Variants in IQCH observed in about 807,000 individuals in gnomAD.
The protein encoded by IQCH is IQ domain-containing protein H.
Under a neutral mutation model 117.0 loss-of-function variants are expected in IQCH, and 98 were observed. The observed-to-expected ratio is 0.84, with a 90% CI of 0.71 to 0.99. The LOEUF (loss-of-function observed/expected upper bound fraction) is 0.99. Among genes scored for constraint, IQCH ranks in the 50% least tolerant of loss-of-function variants. The pLI, the probability that IQCH is intolerant of heterozygous loss-of-function variation, is 0.00. For missense variants in IQCH, 1,102 were observed against 1,243.8 expected, an observed-to-expected ratio of 0.89 and a Z score of 1.72; for synonymous variants, 412 against 448.2, an observed-to-expected ratio of 0.92 and a Z score of 1.02.
intron 3 of IQCH, among the ~76,000 whole-genome samples, chr15:67,270,438 T>C (rs558758018): frequency 1.2e-4 from 19 of 152,350 alleles, no homozygotes; most frequent in African/African-American, 4.1e-4. Context: ...GAAGGGATAC[T>C]GTGGTTTGTA....
Position 67,387,007 on chromosome 15 carries a change from G to T in IQCH, c.1457-1824G>T, listed in dbSNP as rs1464544122. ...ATTTTTCATCTGTTACAGTCTGTAA[G>T]CTATTTTTGTTGTTTTTCTGCCCTA... On this transcript the variant is annotated intron_variant, in intron 11 of 20. Transcript: ENST00000335894. This position sits in a 1 kb window ranked among gnomAD's most constrained non-coding sequence, Gnocchi z 4.8. Among the ~76,000 whole-genome samples, 2 of 151,958 alleles carry T rather than the reference G, an allele frequency of 1.3e-5. No homozygotes were observed. Among genetic ancestry groups the T allele is most frequent in the Non-Finnish European group, 2.9e-5 (2 of 67,986 alleles).
rs1041758024 is a variant in IQCH, at chr15:67,479,066, C to T, written c.2799+3248C>T. ...TGAGATGAGTTTTCATCTTTTCAGA[C>T]CCTGGTGTCCATCCCTGGTCAGGAC... On this transcript the variant is annotated intron_variant, in intron 18 of 20. Coordinates refer to ENST00000335894, the MANE Select transcript of IQCH (RefSeq NM_001031715.3). This position sits in a 1 kb window ranked among gnomAD's most constrained non-coding sequence, Gnocchi z 4.6. 1.3e-5 allele frequency among the ~76,000 whole-genome samples: 2 copies of T among 152,194 alleles called. No individual in the cohort carries two copies. The highest frequency in any genetic ancestry group is 4.8e-5 in the African/African-American group (2 of 41,444).
chr15:67,417,596 A>ATTCTACAATCTACAATTCTACAATCC lies in IQCH; in HGVS notation c.2218+545_2218+546insTTCTACAATCTACAATTCTACAATCC, dbSNP rs2081608117. ...AAGGGTTTTCTACAATCCAGGAACA[A>ATTCTACAATCTACAATTCTACAATCC]AGCGAGCCTCCATTCCTTTCATCCT... On this transcript the variant is annotated intron_variant, in intron 15 of 20. Coordinates refer to ENST00000335894, the MANE Select transcript of IQCH (RefSeq NM_001031715.3). The surrounding 1 kb of genome is among the most constrained non-coding windows in gnomAD (Gnocchi z 4.3). 1.3e-5 allele frequency among the ~76,000 whole-genome samples: 2 copies of ATTCTACAATCTACAATTCTACAATCC among 152,190 alleles called. No homozygotes were observed. Among genetic ancestry groups the ATTCTACAATCTACAATTCTACAATCC allele is most frequent in the South Asian group, 4.1e-4 (2 of 4,826 alleles).
At chr15:67,303,345 T>G (rs921427299) in intron 4 of IQCH, among the ~76,000 whole-genome samples, 3 of 152,142 alleles carry the variant, frequency 2.0e-5, no homozygotes, top group African/African-American at 7.2e-5. Flanking sequence ...GATGCACATG[T>G]TCTGGAATTA....
At chr15:67,421,180 G>T in intron 15 of IQCH, 111 bp from the exon 16 acceptor site, 1 of 819,320 alleles carries the variant, frequency 1.2e-6, no homozygotes, top group Non-Finnish European at 1.9e-6. Flanking sequence ...TAAGTTCAGA[G>T]AATGTAAGCT....
Position 67,421,392 on chromosome 15 carries a change from G to C in IQCH, c.2320G>C (p.Asp774His). ...GAAAATCAGCGTGCTGTCGACAGGG[G>C]ACCAGCTTCATGCTGAAAGCCCCTT... ...NGKISVLSTG[D>H]QLHAESPFIS... Residue 774 changes from aspartate (D) to histidine (H), a missense_variant, in exon 16 of 21, where the codon GAC becomes CAC. Asp to His is a moderately conservative substitution (Grantham distance 81). Transcript: ENST00000335894. The C allele has an allele frequency of 3.7e-6, 6 of 1,614,168 alleles. No homozygotes were observed. Among genetic ancestry groups the C allele is most frequent in the Non-Finnish European group, 5.1e-6 (6 of 1,180,018 alleles).
chr15:67,322,445 C>T (rs1044943975), intron 4 of IQCH, among the ~76,000 whole-genome samples: 26 of 152,184 alleles, frequency 1.7e-4, no homozygotes, highest in East Asian at 1.4e-3. Context: ...TGATAATCTC[C>T]GCTTTTTGAG....
At chr15:67,420,518 CA>C (rs1156703887) in intron 15 of IQCH, among the ~76,000 whole-genome samples, 6 of 152,058 alleles carry the variant, frequency 3.9e-5, no homozygotes, top group Non-Finnish European at 8.8e-5. Context: ...AGGACATATA[CA>C]GTAAGATTTG....
At position 67,357,362 on chromosome 15, in the gene IQCH, C is replaced by A. The variant is rs779906669; in HGVS notation, c.655C>A (p.Arg219=). The A allele has an allele frequency of 6.2e-7, 1 of 1,609,600 alleles. No homozygotes were observed. Among genetic ancestry groups the A allele is most frequent in the Admixed American group, 1.7e-5 (1 of 60,020 alleles). The change falls in exon 7 of 21, where the codon CGG becomes AGG. Residue 219 remains arginine, a synonymous_variant. Transcript: ENST00000335894. ...IPTVATFTIP[R]EPPPSPAEVK... Reference sequence around the variant, plus strand: ...ATCCACAGCCACTTTCACTATACCTCGGGAACCACCTCCATCTCCAGCAGA... The same window carrying A: ...ATCCACAGCCACTTTCACTATACCTAGGGAACCACCTCCATCTCCAGCAGA...
intron 4 of IQCH, among the ~76,000 whole-genome samples, chr15:67,296,305 G>A (rs1966852135): frequency 6.6e-6 from 1 of 152,158 alleles, no homozygotes; most frequent in Admixed American, 6.5e-5. Flanking sequence ...GAGGGAAGAG[G>A]AAGACATTCG....
intron 2 of IQCH, among the ~76,000 whole-genome samples, chr15:67,261,752 C>A (rs75826896): frequency 0.014 from 2,189 of 152,102 alleles, 25 homozygotes; most frequent in Non-Finnish European, 0.021. Flanking sequence ...TATGCCTGAC[C>A]AATATATTGC....
chr15:67,317,825 C>G (rs1381446436), intron 4 of IQCH, among the ~76,000 whole-genome samples: 1 of 151,988 alleles, frequency 6.6e-6, no homozygotes, highest in Non-Finnish European at 1.5e-5. Context: ...GAGGGTCTGT[C>G]TAGTTTCATG....
intron 13 of IQCH, among the ~76,000 whole-genome samples, chr15:67,397,423 A>G (rs969694176): frequency 6.6e-6 from 1 of 152,246 alleles, no homozygotes; most frequent in Non-Finnish European, 1.5e-5. Context: ...TGCAAATTGT[A>G]TAACAATAAA....
intron 8 of IQCH, among the ~76,000 whole-genome samples, chr15:67,361,575 A>G (rs1970134392): frequency 6.6e-6 from 1 of 152,208 alleles, no homozygotes; most frequent in Admixed American, 6.5e-5. Context: ...TCTTTTCTCT[A>G]TTCAATATCA....
In IQCH at chr15:67,491,504, T is replaced by G. The variant is rs760591803; in HGVS notation, c.2861+1440T>G. Among the ~76,000 whole-genome samples the G allele has an allele frequency of 6.6e-6, 1 of 152,202 alleles. No homozygotes were observed. Among genetic ancestry groups the G allele is most frequent in the Admixed American group, 6.5e-5 (1 of 15,276 alleles). On this transcript the variant is annotated intron_variant, in intron 19 of 20. Coordinates refer to ENST00000335894, the MANE Select transcript of IQCH (RefSeq NM_001031715.3). The surrounding 1 kb of genome is among the most constrained non-coding windows in gnomAD (Gnocchi z 4.9). Reference sequence around the variant, plus strand: ...ACCTGGGAAGGGAAGCTGGCTGTTTTGAGTCCTCCCCTCCAGTTTCAGTCT... The same window carrying G: ...ACCTGGGAAGGGAAGCTGGCTGTTTGGAGTCCTCCCCTCCAGTTTCAGTCT...
At chr15:67,358,386 A>G (rs1374638258) in intron 7 of IQCH, among the ~76,000 whole-genome samples, 4 of 136,190 alleles carry the variant, frequency 2.9e-5, no homozygotes, top group East Asian at 2.3e-4. Flanking sequence ...AGTAAAAACA[A>G]GGTTTCGCTA....
At chr15:67,471,179 A>C (rs1304100276) in intron 17 of IQCH, among the ~76,000 whole-genome samples, 1 of 152,118 alleles carries the variant, frequency 6.6e-6, no homozygotes, top group Non-Finnish European at 1.5e-5. Context: ...TTGTGTATAT[A>C]TCATTTGGCA....
chr15:67,432,908 C>T lies in IQCH; in HGVS notation c.2505+11331C>T, dbSNP rs1374946561. ...CCTCTAGTACTCTCATTTGCAAGAT[C>T]TCCCCTATCTCTGTTTTCAAGATAT... On this transcript the variant is annotated intron_variant, in intron 16 of 20. Transcript: ENST00000335894. The surrounding 1 kb of genome is among the most constrained non-coding windows in gnomAD (Gnocchi z 5.0). Among the ~76,000 whole-genome samples, 1 of 152,160 alleles carries T rather than the reference C, an allele frequency of 6.6e-6. No homozygotes were observed. Among genetic ancestry groups the T allele is most frequent in the Non-Finnish European group, 1.5e-5 (1 of 68,018 alleles).
At chr15:67,261,142 C>A in intron 1 of IQCH, 130 bp from the exon 2 acceptor site, 1 of 504,326 alleles carries the variant, frequency 2.0e-6, no homozygotes, top group Non-Finnish European at 3.3e-6. Context: ...TGGTCCTTTT[C>A]AATGAATACC....
Sources: gnomAD v4.1 joint callset for allele counts (sites outside exome capture counted in the v4.1 genomes callset) on GRCh38, gnomAD v4.1.1 for gene constraint, Gnocchi (gnomAD v3.1) non-coding constraint, MANE v1.5 for transcripts, NCBI Gene and HGNC (gene_info 2026-07-23, HGNC 2026-07-21) for gene names.